The following ERG variants were observed in gnomAD, a reference collection of about 807,000 sequenced individuals.
ERG encodes ETS transcription factor ERG.
In ERG, 9 loss-of-function variants were observed where a neutral mutation model predicts 55.3. The ratio of observed to expected loss-of-function variants is 0.16; its 90% CI spans 0.10 to 0.28. ERG has a LOEUF of 0.28. Ranked by LOEUF, ERG falls within the 10% of genes least tolerant of loss-of-function variation. The pLI, the probability that ERG is intolerant of heterozygous loss-of-function variation, is 1.00. For missense variants in ERG, 434 were observed against 631.6 expected (o/e 0.69, Z 3.35); for synonymous variants, 223 against 237.3 (o/e 0.94, Z 0.55).
chr21:38,559,383 CTTTTTTTTTT>C (rs574207119), intron 2 of ERG, among the ~76,000 whole-genome samples: 6 of 92,062 alleles, frequency 6.5e-5, no homozygotes, highest in African/African-American at 2.9e-4. Flanking sequence ...TCCCATTTCC[CTTTTTTTTTT>C]TTTTTTTTTT....
chr21:38,402,484 T>A, intron 5 of ERG, 73 bp downstream of exon 5: 17 of 1,132,804 alleles, frequency 1.5e-5, no homozygotes, highest in Non-Finnish European at 2.1e-5. Context: ...CTGACTGGTT[T>A]CCCATGAAAG....
chr21:38,585,908 T>G (rs376802930), upstream of ERG, among the ~76,000 whole-genome samples: 45 of 150,258 alleles, frequency 3.0e-4, no homozygotes, highest in South Asian at 8.2e-3. Flanking sequence ...GGGAAAAAAA[T>G]CAGGGTACTA....
At chr21:38,504,020 G>A (rs547982348) in intron 2 of ERG, among the ~76,000 whole-genome samples, 17 of 152,272 alleles carry the variant, frequency 1.1e-4, no homozygotes, top group African/African-American at 4.1e-4. Flanking sequence ...GTGTGAGTGT[G>A]TGTATGAGGG....
chr21:38,574,801 TG>T (rs2059984790), intron 2 of ERG, among the ~76,000 whole-genome samples: 1 of 152,226 alleles, frequency 6.6e-6, no homozygotes, highest in South Asian at 2.1e-4. Flanking sequence ...TGAATTAGTA[TG>T]GGGAAAGTGA....
At position 38,526,417 on chromosome 21, in the gene ERG, G is replaced by A. The variant is rs188731618; in HGVS notation, c.-41+49245C>T. On this transcript the variant is annotated intron_variant, in intron 2 of 8. Transcript: ENST00000398897. ...TAACAACTGGAAACTACCTAAAAGA[G>A]TCAGAGCAGGACTGTAAGACTATAT... Among the ~76,000 whole-genome samples the A allele has an allele frequency of 1.3e-3, 198 of 152,306 alleles. 1 individual carries two copies. The highest frequency in any genetic ancestry group is 4.4e-3 in the African/African-American group (182 of 41,562).
chr21:38,401,069 A>C (rs1209503542), intron 5 of ERG, among the ~76,000 whole-genome samples: 2 of 152,230 alleles, frequency 1.3e-5, no homozygotes, highest in African/African-American at 4.8e-5. Context: ...TTAGCCTAAG[A>C]GTATATGGAT....
intron 2 of ERG, among the ~76,000 whole-genome samples, chr21:38,426,399 C>T (rs1433513628): frequency 1.3e-5 from 2 of 152,110 alleles, no homozygotes; most frequent in Admixed American, 6.5e-5. Flanking sequence ...AGAGAAGTTA[C>T]CAGGGAAGAG....
At chr21:38,544,747 C>T (rs2059777245) in intron 2 of ERG, among the ~76,000 whole-genome samples, 1 of 152,100 alleles carries the variant, frequency 6.6e-6, no homozygotes, top group African/African-American at 2.4e-5. Context: ...AGTGAAAATT[C>T]CTCTCTCTAA....
intron 2 of ERG, among the ~76,000 whole-genome samples, chr21:38,513,000 G>A (rs1201811836): frequency 2.6e-5 from 4 of 151,852 alleles, no homozygotes; most frequent in African/African-American, 4.8e-5. Context: ...GCATGGTGGC[G>A]TGTGCCTGTA....
chr21:38,493,145 T>C (rs1419935760), intron 1 of ERG, among the ~76,000 whole-genome samples: 1 of 152,198 alleles, frequency 6.6e-6, no homozygotes, highest in Non-Finnish European at 1.5e-5. Context: ...GGCTCAATAA[T>C]TCCTTTCTAG....
At chr21:38,581,728 G>C (rs1413042900) in intron 1 of ERG, among the ~76,000 whole-genome samples, 2 of 152,166 alleles carry the variant, frequency 1.3e-5, no homozygotes, top group African/African-American at 4.8e-5. Flanking sequence ...GGTATGAAGA[G>C]TGTGGTGCAA....
intron 1 of ERG, among the ~76,000 whole-genome samples, chr21:38,485,586 A>G (rs1315155552): frequency 2.6e-5 from 4 of 151,650 alleles, no homozygotes; most frequent in African/African-American, 9.7e-5. Flanking sequence ...CCGCCTCCCA[A>G]GTAGCTGGGA....
chr21:38,391,161 C>A, intron 8 of ERG, 119 bp from the exon 9 acceptor site: 1 of 822,152 alleles, frequency 1.2e-6, no homozygotes, highest in East Asian at 2.5e-5. Flanking sequence ...AAATGTCCTC[C>A]AACTCCAAAT....
chr21:38,567,783 A>T (rs1343430707), intron 2 of ERG, among the ~76,000 whole-genome samples: 1 of 152,188 alleles, frequency 6.6e-6, no homozygotes, highest in Non-Finnish European at 1.5e-5. Flanking sequence ...CAGCCCCGAG[A>T]CATCGCCTAA....
intron 2 of ERG, among the ~76,000 whole-genome samples, chr21:38,565,920 A>AT (rs1297179644): frequency 6.6e-6 from 1 of 152,216 alleles, no homozygotes; most frequent in Non-Finnish European, 1.5e-5. Flanking sequence ...ATCCAAAAAT[A>AT]TCACAAATGA....
intron 1 of ERG, among the ~76,000 whole-genome samples, chr21:38,609,512 A>C (rs984231580): frequency 6.6e-6 from 1 of 152,258 alleles, no homozygotes; most frequent in African/African-American, 2.4e-5. Flanking sequence ...ATCAAAGAAA[A>C]TTATGAAAGA....
chr21:38,426,937 A>AAG (rs1231619470), intron 2 of ERG, among the ~76,000 whole-genome samples: 1 of 151,646 alleles, frequency 6.6e-6, no homozygotes, highest in East Asian at 1.9e-4. Context: ...TGTCAAAAAA[A>AAG]AAAAGAATTA....
chr21:38,367,714 A>G, the ERG span: 7 of 484,736 alleles, frequency 1.4e-5, no homozygotes, highest in African/African-American at 7.9e-5. Flanking sequence ...GGCGACCCAT[A>G]TTAGAACAAG....
intron 2 of ERG, among the ~76,000 whole-genome samples, chr21:38,504,925 T>A (rs1204568159): frequency 6.6e-6 from 1 of 152,220 alleles, no homozygotes; most frequent in Non-Finnish European, 1.5e-5. Context: ...TATGAATTAT[T>A]TTTAAAGAAA....
Sources: allele counts gnomAD v4.1 joint callset (sites outside exome capture counted in the v4.1 genomes callset), GRCh38; gene constraint gnomAD v4.1.1; transcripts MANE v1.5; gene names NCBI Gene and HGNC (gene_info 2026-07-23, HGNC 2026-07-21).